Variants in NUP210L observed in about 807,000 individuals in gnomAD.
NUP210L encodes the protein nucleoporin 210 like, also known as nuclear pore membrane glycoprotein 210-like.
NUP210L carries 74 observed loss-of-function variants against 208.5 expected under a neutral mutation model. The ratio of observed to expected loss-of-function variants is 0.35; its 90% confidence interval spans 0.29 to 0.43. The LOEUF (loss-of-function observed/expected upper bound fraction) is 0.43. Among genes scored for constraint, NUP210L ranks in the 20% least tolerant of loss-of-function variants. The probability of loss-of-function intolerance (pLI) is 1.00; values close to 1 mark genes in which losing one functional copy is unlikely to be tolerated. For missense variants in NUP210L, 1,843 were observed against 2,289.4 expected (o/e 0.81, Z 3.98); for synonymous variants, 780 against 816.9 (o/e 0.95, Z 0.77).
exon 29 of NUP210L, chr1:154,027,559 T>C (rs1477222720): frequency 3.1e-6 from 5 of 1,613,848 alleles, no homozygotes; most frequent in South Asian, 1.1e-5. Context: ...TCTGCTCTGG[T>C]TGGCACTCTG....
intron 20 of NUP210L, among the ~76,000 whole-genome samples, chr1:154,058,943 C>G (rs529208390): frequency 6.6e-6 from 1 of 152,294 alleles, no homozygotes; most frequent in South Asian, 2.1e-4. Context: ...AATCCCAGCA[C>G]TTTGGGAGGC....
intron 12 of NUP210L, among the ~76,000 whole-genome samples, chr1:154,112,498 TCCGTTTAC>T (rs1387244926): frequency 6.6e-6 from 1 of 152,162 alleles, no homozygotes; most frequent in Non-Finnish European, 1.5e-5. Flanking sequence ...TGATGGATAC[TCCGTTTAC>T]CCTGATGTGA....
intron 13 of NUP210L, among the ~76,000 whole-genome samples, chr1:154,103,691 A>G (rs1274360778): frequency 6.8e-6 from 1 of 147,458 alleles, no homozygotes; most frequent in East Asian, 1.9e-4. Flanking sequence ...AAAAAAAAGA[A>G]AAAAAAAAAC....
At chr1:154,056,552 C>G (rs922792169) in intron 23 of NUP210L, among the ~76,000 whole-genome samples, 34 of 152,086 alleles carry the variant, frequency 2.2e-4, no homozygotes, top group Non-Finnish European at 2.9e-5. Context: ...GTAGCTGGAA[C>G]TACAGGCACA....
intron 4 of NUP210L, among the ~76,000 whole-genome samples, chr1:154,141,054 G>A (rs1288615350): frequency 6.6e-6 from 1 of 150,856 alleles, no homozygotes; most frequent in Non-Finnish European, 1.5e-5. Context: ...ATTGTGGTGG[G>A]AGTAAAACTT....
intron 29 of NUP210L, among the ~76,000 whole-genome samples, chr1:154,027,166 G>A (rs1229116181): frequency 6.6e-6 from 1 of 150,846 alleles, no homozygotes; most frequent in African/African-American, 2.4e-5. Flanking sequence ...AATACATTCA[G>A]GATAGCTAAT....
At chr1:154,058,773 C>G (rs1345125437) in intron 20 of NUP210L, 80 bp from the exon 21 acceptor site, 14 of 1,445,464 alleles carry the variant, frequency 9.7e-6, no homozygotes, top group Non-Finnish European at 1.3e-5. Context: ...TCACCCAAAG[C>G]AGAATAGAAA....
intron 12 of NUP210L, among the ~76,000 whole-genome samples, chr1:154,117,347 G>A (rs1343853077): frequency 1.3e-5 from 2 of 152,066 alleles, no homozygotes; most frequent in African/African-American, 2.4e-5. Flanking sequence ...TTGGGAGGCC[G>A]AGGCAGGCAG....
At chr1:154,118,562 A>G (rs1399876224) in intron 11 of NUP210L, 109 bp downstream of exon 11, 1 of 843,438 alleles carries the variant, frequency 1.2e-6, no homozygotes, top group East Asian at 2.8e-5. Context: ...AACCCAAGTT[A>G]TACTTTTAGG....
At chr1:153,995,709 TGG>T in intron 37 of NUP210L, 1 of 976,956 alleles carries the variant, frequency 1.0e-6, no homozygotes, top group Non-Finnish European at 1.6e-6. Flanking sequence ...CCCAAACCCT[TGG>T]TAATAGAATT....
At chr1:154,139,658 G>A in intron 5 of NUP210L, 144 bp downstream of exon 5, 1 of 664,492 alleles carries the variant, frequency 1.5e-6, no homozygotes, top group Non-Finnish European at 2.5e-6. Flanking sequence ...GTGAAACCCT[G>A]TCTGTCTCTA....
chr1:154,141,333 T>G (rs983390496), intron 4 of NUP210L, 98 bp downstream of exon 4: 27 of 755,406 alleles, frequency 3.6e-5, no homozygotes, highest in Non-Finnish European at 5.8e-5. Flanking sequence ...GATAGCAGGG[T>G]CATCAAAGTC....
At chr1:154,004,041 A>G (rs1169700929) in intron 35 of NUP210L, among the ~76,000 whole-genome samples, 1 of 147,220 alleles carries the variant, frequency 6.8e-6, no homozygotes, top group Non-Finnish European at 1.5e-5. Flanking sequence ...TGCTTGCATT[A>G]TTGCCCCTTC....
chr1:154,012,255 A>G (rs1300961538), exon 34 of NUP210L: 1 of 1,613,828 alleles, frequency 6.2e-7, no homozygotes, highest in Admixed American at 1.7e-5. Flanking sequence ...TTTAAGATTG[A>G]CACCATTTCT....
intron 15 of NUP210L, among the ~76,000 whole-genome samples, chr1:154,091,598 T>C (rs900242211): frequency 2.1e-4 from 32 of 150,902 alleles, no homozygotes; most frequent in Non-Finnish European, 3.8e-4. Flanking sequence ...CCTCCCAGGT[T>C]CAAGCGATTC....
chr1:154,136,789 G>A (rs1291092494), intron 6 of NUP210L, among the ~76,000 whole-genome samples: 3 of 150,992 alleles, frequency 2.0e-5, no homozygotes, highest in South Asian at 2.1e-4. Flanking sequence ...GCGTAGTGGC[G>A]GGCTCCTGTA....
exon 33 of NUP210L, chr1:154,018,965 C>T: frequency 6.2e-7 from 1 of 1,614,120 alleles, no homozygotes; most frequent in African/African-American, 1.3e-5. Context: ...CCTGGGATGT[C>T]ATGAAAAATC....
intron 38 of NUP210L, among the ~76,000 whole-genome samples, chr1:153,994,349 C>T (rs373296444): frequency 6.6e-6 from 1 of 151,938 alleles, no homozygotes; most frequent in Non-Finnish European, 1.5e-5. Context: ...GAGTCTTGCT[C>T]TGTCACCCAG....
chr1:154,143,505 C>G, exon 3 of NUP210L: 1 of 1,613,896 alleles, frequency 6.2e-7, no homozygotes, highest in Non-Finnish European at 8.5e-7. Flanking sequence ...ATAAAGTTCC[C>G]GGGCCCGAGA....
Sources: gnomAD v4.1 joint callset for allele counts (sites outside exome capture counted in the v4.1 genomes callset) on GRCh38, gnomAD v4.1.1 for gene constraint, MANE v1.5 for transcripts, NCBI Gene and HGNC (gene_info 2026-07-23, HGNC 2026-07-21) for gene names.